DCLK1: variants seen among roughly 807,000 people sequenced by gnomAD.
DCLK1 encodes doublecortin like kinase 1, also known as serine/threonine-protein kinase DCLK1.
DCLK1 carries 16 observed loss-of-function variants against 86.2 expected under a neutral mutation model. The observed-to-expected ratio is 0.19, with a 90% CI of 0.13 to 0.28. The LOEUF (loss-of-function observed/expected upper bound fraction) is 0.28. Ranked by LOEUF, DCLK1 falls within the 10% of genes least tolerant of loss-of-function variation. The pLI, the probability that DCLK1 is intolerant of heterozygous loss-of-function variation, is 1.00. For missense variants in DCLK1, 590 were observed against 940.2 expected (o/e 0.63, Z 4.87); for synonymous variants, 369 against 370.5 (o/e 1.00, Z 0.05).
At chr13:35,817,935 G>A (rs748585732) in intron 11 of DCLK1, among the ~76,000 whole-genome samples, 2 of 152,032 alleles carry the variant, frequency 1.3e-5, no homozygotes, top group Non-Finnish European at 2.9e-5. Flanking sequence ...TAGTCTCTAG[G>A]GATTTATGTT....
intron 3 of DCLK1, among the ~76,000 whole-genome samples, chr13:35,991,721 T>C (rs1021774129): frequency 4.6e-5 from 7 of 152,154 alleles, no homozygotes; most frequent in African/African-American, 1.7e-4. Context: ...CTCATTAAAC[T>C]ATCTCTTGTT....
At chr13:36,106,611 A>G (rs1885406818) in intron 3 of DCLK1, among the ~76,000 whole-genome samples, 1 of 152,224 alleles carries the variant, frequency 6.6e-6, no homozygotes, top group African/African-American at 2.4e-5. Context: ...CTTTATACCA[A>G]GAATGAAGGG....
intron 5 of DCLK1, among the ~76,000 whole-genome samples, chr13:35,862,845 A>T (rs1871502390): frequency 6.6e-6 from 1 of 152,148 alleles, no homozygotes; most frequent in African/African-American, 2.4e-5. Context: ...TATTAATGAG[A>T]TCTAACCTGT....
intron 4 of DCLK1, among the ~76,000 whole-genome samples, chr13:35,897,969 A>T (rs1470788206): frequency 1.3e-5 from 2 of 152,242 alleles, no homozygotes; most frequent in African/African-American, 4.8e-5. Context: ...CAGCAACAGG[A>T]TAAATTATTA....
intron 3 of DCLK1, among the ~76,000 whole-genome samples, chr13:36,087,628 G>T (rs544614398): frequency 6.6e-6 from 1 of 152,230 alleles, no homozygotes; most frequent in Admixed American, 6.5e-5. Flanking sequence ...AGGCCATGTG[G>T]ATTGCTGGCA....
At chr13:35,977,591 TA>T (rs933230179) in intron 3 of DCLK1, among the ~76,000 whole-genome samples, 2 of 149,054 alleles carry the variant, frequency 1.3e-5, no homozygotes, top group African/African-American at 5.0e-5. Flanking sequence ...TCTAATGGGC[TA>T]TTTTTTTTTT....
intron 1 of DCLK1, 117 bp from the exon 2 acceptor site, chr13:36,126,273 C>T: frequency 1.2e-6 from 1 of 855,590 alleles, no homozygotes; most frequent in South Asian, 4.0e-5. Context: ...TGTCACCGGG[C>T]TGCAGTGAGA....
chr13:36,086,660 C>A (rs1425294386), intron 3 of DCLK1, among the ~76,000 whole-genome samples: 2 of 151,992 alleles, frequency 1.3e-5, no homozygotes, highest in Non-Finnish European at 2.9e-5. Flanking sequence ...GTGATGTTCC[C>A]CTCCCTGTGT....
chr13:36,110,980 A>G (rs1208307491), intron 3 of DCLK1, among the ~76,000 whole-genome samples: 2 of 151,590 alleles, frequency 1.3e-5, no homozygotes, highest in African/African-American at 4.9e-5. Flanking sequence ...ACAGGCGCCC[A>G]CCACCACACC....
chr13:35,919,337 G>A (rs33929135), intron 4 of DCLK1, among the ~76,000 whole-genome samples: 90,884 of 151,952 alleles, frequency 0.6, 28,386 homozygotes, highest in South Asian at 0.7. Context: ...GGCTTGTAGC[G>A]TCTAAGGCAG....
At chr13:36,011,795 T>C (rs934667337) in intron 3 of DCLK1, among the ~76,000 whole-genome samples, 1 of 150,022 alleles carries the variant, frequency 6.7e-6, no homozygotes, top group African/African-American at 2.5e-5. Context: ...TGACTTTCTG[T>C]CTCGTTCATC....
chr13:35,926,245 G>A (rs1432590658), intron 4 of DCLK1, among the ~76,000 whole-genome samples: 1 of 152,040 alleles, frequency 6.6e-6, no homozygotes, highest in Non-Finnish European at 1.5e-5. Context: ...GTTTAGTAGA[G>A]ATGGGTTTCG....
intron 3 of DCLK1, among the ~76,000 whole-genome samples, chr13:36,078,481 G>A (rs1375775670): frequency 6.6e-6 from 1 of 152,158 alleles, no homozygotes; most frequent in African/African-American, 2.4e-5. Context: ...TTCTTCAACT[G>A]AGTAGAAATC....
At chr13:36,095,819 T>C (rs533373001) in intron 3 of DCLK1, among the ~76,000 whole-genome samples, 3 of 152,124 alleles carry the variant, frequency 2.0e-5, no homozygotes, top group South Asian at 4.1e-4. Context: ...TTGTTGTAGA[T>C]AAAATAAGAA....
At chr13:36,007,018 G>C (rs1287271374) in intron 3 of DCLK1, among the ~76,000 whole-genome samples, 1 of 152,124 alleles carries the variant, frequency 6.6e-6, no homozygotes, top group African/African-American at 2.4e-5. Flanking sequence ...TTGATGAAAA[G>C]TTTACACAAA....
rs2086318673 is a variant in DCLK1 at position 35,770,824 on chromosome 13, T to C, written c.*3711A>G. ...AAGGAGGGACCATACCAGATTTTTT[T>C]GTTGTTCTTTTCCTTGGAGAATGGG... On this transcript the variant is annotated 3_prime_UTR_variant, in exon 17 of 17. Coordinates refer to ENST00000360631, the MANE Select transcript of DCLK1 (RefSeq NM_001330071.2). The C allele has an allele frequency of 6.6e-6, 1 of 152,210 alleles. No individual in the cohort carries two copies. The highest frequency in any genetic ancestry group is 2.4e-5 in the African/African-American group (1 of 41,458). 9.4% of individuals were successfully genotyped at this position (152,210 alleles called of 1,614,324 possible).
At chr13:35,956,634 G>C (rs953738796) in intron 3 of DCLK1, among the ~76,000 whole-genome samples, 3 of 152,428 alleles carry the variant, frequency 2.0e-5, no homozygotes, top group Middle Eastern at 3.4e-3. Flanking sequence ...CCAATGCCAA[G>C]AGGTGTTCAT....
At chr13:35,826,491 C>G (rs1048410538) in intron 10 of DCLK1, among the ~76,000 whole-genome samples, 3 of 133,044 alleles carry the variant, frequency 2.3e-5, no homozygotes, top group Non-Finnish European at 4.7e-5. Context: ...CCATTGCATT[C>G]CAGCCTGGGC....
chr13:35,950,549 G>GA (rs1877610841), intron 3 of DCLK1, among the ~76,000 whole-genome samples: 2 of 152,202 alleles, frequency 1.3e-5, no homozygotes, highest in Non-Finnish European at 2.9e-5. Flanking sequence ...ATTCAGTGTA[G>GA]TTACCAGTTT....
Sources: gnomAD v4.1 joint callset for allele counts (sites outside exome capture counted in the v4.1 genomes callset) on GRCh38, gnomAD v4.1.1 for gene constraint, MANE v1.5 for transcripts, NCBI Gene and HGNC (gene_info 2026-07-23, HGNC 2026-07-21) for gene names.